The following ELAVL2 variants were observed in gnomAD, a reference collection of about 807,000 sequenced individuals.
The protein encoded by ELAVL2 is ELAV-like protein 2.
Under a neutral mutation model 34.6 loss-of-function variants are expected in ELAVL2, and 4 were observed. The observed-to-expected ratio is 0.12, with a 90% CI of 0.06 to 0.26. The LOEUF (loss-of-function observed/expected upper bound fraction) is 0.26. Ranked by LOEUF, ELAVL2 falls within the 10% of genes least tolerant of loss-of-function variation. The pLI, the probability that ELAVL2 is intolerant of heterozygous loss-of-function variation, is 1.00. For synonymous variants in ELAVL2, 193 were observed against 154.8 expected (o/e 1.25, Z -1.83); for missense variants, 432 against 442.8 (o/e 0.98, Z 0.22).
chr9:23,724,393 TTG>T (rs891717974), intron 3 of ELAVL2, among the ~76,000 whole-genome samples: 1 of 152,120 alleles, frequency 6.6e-6, no homozygotes, highest in African/African-American at 2.4e-5. Context: ...AACTCTCACT[TTG>T]GAGTTGGCTA....
intron 1 of ELAVL2, among the ~76,000 whole-genome samples, chr9:23,781,553 T>C (rs2059067026): frequency 6.6e-6 from 1 of 151,208 alleles, no homozygotes; most frequent in Non-Finnish European, 1.5e-5. Flanking sequence ...GTTCTAATTC[T>C]GTCACCAACC....
the ELAVL2 span, among the ~76,000 whole-genome samples, chr9:23,847,702 T>C: frequency 3.9e-5 from 6 of 152,088 alleles, no homozygotes; most frequent in Admixed American, 3.9e-4. Context: ...AATTTGCACA[T>C]TAAGAATATT....
At chr9:23,775,922 A>G (rs992554625) in intron 1 of ELAVL2, among the ~76,000 whole-genome samples, 1 of 152,232 alleles carries the variant, frequency 6.6e-6, no homozygotes, top group Admixed American at 6.5e-5. Context: ...GTTGGACCAG[A>G]TAACTCTGTG....
intron 4 of ELAVL2, among the ~76,000 whole-genome samples, chr9:23,703,926 T>C (rs2038382132): frequency 6.6e-6 from 1 of 152,146 alleles, no homozygotes; most frequent in Non-Finnish European, 1.5e-5. Flanking sequence ...TTTCATTTTA[T>C]TTTTTACTTA....
At chr9:23,793,970 C>G (rs976200516) in intron 1 of ELAVL2, among the ~76,000 whole-genome samples, 1 of 152,172 alleles carries the variant, frequency 6.6e-6, no homozygotes, top group Non-Finnish European at 1.5e-5. Flanking sequence ...TATCATACAG[C>G]CATTTGTAAG....
chr9:23,790,778 T>C (rs2060232449), intron 1 of ELAVL2, among the ~76,000 whole-genome samples: 1 of 152,242 alleles, frequency 6.6e-6, no homozygotes, highest in Non-Finnish European at 1.5e-5. Context: ...CATTAAGTTC[T>C]GACTTGAGGA....
intron 1 of ELAVL2, among the ~76,000 whole-genome samples, chr9:23,823,895 C>T (rs1018753329): frequency 6.6e-6 from 1 of 152,152 alleles, no homozygotes; most frequent in African/African-American, 2.4e-5. Flanking sequence ...TAGTGTAGGC[C>T]TGGGAAATAA....
chr9:23,781,602 CCTCCTGGGCTCAAGGGATCCTCCTA>C (rs1223356670), intron 1 of ELAVL2, among the ~76,000 whole-genome samples: 1 of 151,064 alleles, frequency 6.6e-6, no homozygotes, highest in African/African-American at 2.4e-5. Context: ...CTCACTGCAG[CCTCCTGGGCTCAAGGGATCCTCCTA>C]CCTCAGCCTC....
chr9:23,790,942 GCA>G (rs1170610002), intron 1 of ELAVL2, among the ~76,000 whole-genome samples: 1 of 152,152 alleles, frequency 6.6e-6, no homozygotes, highest in African/African-American at 2.4e-5. Context: ...TCTCAGAGCT[GCA>G]CAGACACCAG....
chr9:23,777,045 G>A (rs994660530), intron 1 of ELAVL2, among the ~76,000 whole-genome samples: 1 of 152,138 alleles, frequency 6.6e-6, no homozygotes, highest in African/African-American at 2.4e-5. Context: ...CCTATGTAAA[G>A]TACAAGTTTC....
intron 1 of ELAVL2, among the ~76,000 whole-genome samples, chr9:23,801,183 G>C (rs573832413): frequency 6.6e-6 from 1 of 152,082 alleles, no homozygotes; most frequent in Non-Finnish European, 1.5e-5. Context: ...GAATACTGAA[G>C]TATGAAATAA....
intron 1 of ELAVL2, among the ~76,000 whole-genome samples, chr9:23,788,008 C>T (rs886600613): frequency 6.6e-6 from 1 of 151,968 alleles, no homozygotes; most frequent in Admixed American, 6.6e-5. Context: ...ATTAAAAAGG[C>T]GCAAAAAACC....
chr9:23,828,890 TG>T (rs2138730974), upstream of ELAVL2, among the ~76,000 whole-genome samples: 2 of 152,360 alleles, frequency 1.3e-5, no homozygotes, highest in South Asian at 4.1e-4. Context: ...GATATCTGGA[TG>T]TAGATTTCAC....
At chr9:23,784,737 T>TGG (rs1391072455) in intron 1 of ELAVL2, among the ~76,000 whole-genome samples, 1 of 152,118 alleles carries the variant, frequency 6.6e-6, no homozygotes, top group Non-Finnish European at 1.5e-5. Flanking sequence ...GGTGCAGAGG[T>TGG]GGGGCACAAC....
At chr9:23,737,715 A>T (rs2134986240) in intron 2 of ELAVL2, among the ~76,000 whole-genome samples, 2 of 152,304 alleles carry the variant, frequency 1.3e-5, no homozygotes, top group East Asian at 1.9e-4. Context: ...CATTTACAGC[A>T]GTAGTAATGT....
Position 23,701,436 on chromosome 9 carries a change from T to C in ELAVL2, c.656A>G (p.Tyr219Cys), listed in dbSNP as rs753913440. ...KTNQAILSQL[Y>C]QSPNRRYPGP... is the part of the protein sequence containing the mutation. ...TGGATACCTTCTGTTTGGAGACTGGTACAGCTGGGAAAGGATGGCCTGATT... is the reference window on the plus strand; with the variant it reads ...TGGATACCTTCTGTTTGGAGACTGGCACAGCTGGGAAAGGATGGCCTGATT... The change falls in exon 5 of 7, where the codon TAC (tyrosine) becomes TGC (cysteine). Residue 219 changes from tyrosine (Y) to cysteine (C), a missense_variant. Physicochemically the swap from Tyr to Cys is radical, Grantham distance 194. This residue lies in a region of ELAVL2 where 295 missense variants were observed against 306.1 expected (regional missense o/e 0.96). Coordinates refer to ENST00000397312, the MANE Select transcript of ELAVL2 (RefSeq NM_004432.5). The C allele has an allele frequency of 8.7e-6, 14 of 1,614,130 alleles. No individual in the cohort carries two copies. Among genetic ancestry groups the C allele is most frequent in the Non-Finnish European group, 1.2e-5 (14 of 1,179,996 alleles).
upstream of ELAVL2, chr9:23,829,584 T>C (rs2065434145): frequency 6.6e-6 from 1 of 152,212 alleles, no homozygotes; most frequent in Non-Finnish European, 1.5e-5. Flanking sequence ...GTTCATACTA[T>C]TGGAAATATG....
rs1050529084 is a variant in ELAVL2, at chr9:23,690,815, T to A, written c.*1742A>T. The A allele has an allele frequency of 1.3e-5, 2 of 152,608 alleles. No homozygotes were observed. Among genetic ancestry groups the A allele is most frequent in the African/African-American group, 4.8e-5 (2 of 41,460 alleles). The allele number at this position is 152,608 out of a possible 1,614,324, so 9.5% of individuals were successfully genotyped here. ...AAGGCATTTTTGCCTTCAGCTTTTT[T>A]GAAAATTTATTATAAGCTAGATGCT... On this transcript the variant is annotated 3_prime_UTR_variant, in exon 7 of 7. Coordinates refer to ENST00000397312, the MANE Select transcript of ELAVL2 (RefSeq NM_004432.5).
At chr9:23,711,489 C>A (rs923403731) in intron 3 of ELAVL2, among the ~76,000 whole-genome samples, 1 of 152,170 alleles carries the variant, frequency 6.6e-6, no homozygotes, top group African/African-American at 2.4e-5. Context: ...CTCTTCCATA[C>A]AAGTATACAA....
Sources: gnomAD v4.1 joint callset for allele counts (sites outside exome capture counted in the v4.1 genomes callset) on GRCh38, gnomAD v4.1.1 for gene constraint, gnomAD v4.1.1 regional missense constraint, MANE v1.5 for transcripts, NCBI Gene and HGNC (gene_info 2026-07-23, HGNC 2026-07-21) for gene names.